CRTC1: variants seen among roughly 807,000 people sequenced by gnomAD.
CRTC1 encodes CREB regulated transcription coactivator 1, also known as CREB-regulated transcription coactivator 1.
CRTC1 carries 18 observed loss-of-function variants against 66.1 expected under a neutral mutation model. The ratio of observed to expected loss-of-function variants is 0.27; its 90% CI spans 0.19 to 0.40. CRTC1 has a LOEUF of 0.40. CRTC1 is among the 10% of genes least tolerant of loss of function. The pLI, the probability that CRTC1 is intolerant of heterozygous loss-of-function variation, is 1.00. For missense variants in CRTC1, 669 were observed against 887.9 expected, an observed-to-expected ratio of 0.75 and a Z score of 3.13; for synonymous variants, 416 against 398.8, an observed-to-expected ratio of 1.04 and a Z score of -0.51.
intron 2 of CRTC1, among the ~76,000 whole-genome samples, chr19:18,743,793 G>A (rs955057258): frequency 6.6e-6 from 1 of 152,244 alleles, no homozygotes; most frequent in African/African-American, 2.4e-5. Context: ...TGGCCACCAC[G>A]GTGCGCCTCC....
In CRTC1 at chr19:18,703,937, C is replaced by T. The variant is rs546947028; in HGVS notation, c.126+20109C>T. Among the ~76,000 whole-genome samples, 140 of 152,284 alleles carry T rather than the reference C, an allele frequency of 9.2e-4. 1 individual carries two copies. Among genetic ancestry groups the T allele is most frequent in the African/African-American group, 3.2e-3 (132 of 41,562 alleles). ...GTCAAAGCATCTCCTTTGATTCCTC[C>T]AATCTGTGATGGTTCCTCAATGTCT... is the stretch of plus-strand genomic sequence containing the variant. On this transcript the variant is annotated intron_variant, in intron 1 of 13. Transcript: ENST00000321949.
At position 18,781,643 on chromosome 19, in the gene CRTC1, G is replaced by A. The variant is rs932651230; in HGVS notation, c.*4261G>A. The A allele has an allele frequency of 4.8e-5, 11 of 230,550 alleles. No homozygotes were observed. The East Asian group carries it at 6.7e-4, about 14-fold the overall frequency. 14.3% of individuals were successfully genotyped at this position (230,550 alleles called of 1,614,324 possible). ...CTGAGGGCATGGGTGGGGCAGGAGT[G>A]AGTGCCTCGTGATCCCAGCCTCAGT... On this transcript the variant is annotated 3_prime_UTR_variant, in exon 14 of 14. Transcript: ENST00000321949.
chr19:18,732,562 G>T (rs902788562), intron 1 of CRTC1, among the ~76,000 whole-genome samples: 15 of 152,170 alleles, frequency 9.9e-5, no homozygotes, highest in Admixed American at 9.8e-4. Flanking sequence ...GGATTATTTT[G>T]GATGCAGGGA....
chr19:18,742,859 G>A, intron 1 of CRTC1, 51 bp from the exon 2 acceptor site: 1 of 1,373,626 alleles, frequency 7.3e-7, no homozygotes, highest in Non-Finnish European at 1.0e-6. Context: ...GGCACTCTGA[G>A]GTGAGCCTGG....
intron 1 of CRTC1, among the ~76,000 whole-genome samples, chr19:18,713,567 C>T (rs926263127): frequency 3.3e-5 from 5 of 152,240 alleles, no homozygotes; most frequent in Admixed American, 6.5e-5. Flanking sequence ...GCGTCCTCCT[C>T]GTGCCCCTCC....
chr19:18,758,640 G>GT (rs1393659849), intron 6 of CRTC1, among the ~76,000 whole-genome samples: 7 of 152,182 alleles, frequency 4.6e-5, no homozygotes, highest in African/African-American at 1.7e-4. Context: ...GACCCTGAGG[G>GT]TCCCCGGGGA....
chr19:18,687,460 G>A (rs1250061793), intron 1 of CRTC1, among the ~76,000 whole-genome samples: 2 of 152,130 alleles, frequency 1.3e-5, no homozygotes, highest in African/African-American at 4.8e-5. Flanking sequence ...CGACCAGGGT[G>A]GGCAAGCTTA....
intron 1 of CRTC1, among the ~76,000 whole-genome samples, chr19:18,695,715 A>C (rs2052968395): frequency 6.6e-6 from 1 of 151,992 alleles, no homozygotes; most frequent in Non-Finnish European, 1.5e-5. Flanking sequence ...AATACGGAAA[A>C]TTGGCTGGGC....
chr19:18,770,440 C>T (rs2145846752), intron 10 of CRTC1, among the ~76,000 whole-genome samples: 1 of 152,352 alleles, frequency 6.6e-6, no homozygotes, highest in East Asian at 1.9e-4. Flanking sequence ...GTCCCCACCC[C>T]CAGAGGTGGG....
Position 18,723,577 on chromosome 19 carries a change from C to T in CRTC1, c.127-19333C>T, listed in dbSNP as rs150426040. Among the ~76,000 whole-genome samples, 909 of 152,326 alleles carry T rather than the reference C, an allele frequency of 6.0e-3. 10 individuals are homozygous for T. The highest frequency in any genetic ancestry group is 0.01 in the Non-Finnish European group (686 of 68,028). ...AAGTTTGTGGCCAAGGCCAGTTCACCGGGGACCCCAGGTCCAGTATGGGTT... is the reference window on the plus strand; with the variant it reads ...AAGTTTGTGGCCAAGGCCAGTTCACTGGGGACCCCAGGTCCAGTATGGGTT... On this transcript the variant is annotated intron_variant, in intron 1 of 13. Coordinates refer to ENST00000321949, the MANE Select transcript of CRTC1 (RefSeq NM_015321.3).
intron 1 of CRTC1, among the ~76,000 whole-genome samples, chr19:18,731,266 T>C (rs1321378487): frequency 6.6e-6 from 1 of 152,202 alleles, no homozygotes; most frequent in Non-Finnish European, 1.5e-5. Flanking sequence ...GCGTGGCTGG[T>C]TCCTCCTGAG....
chr19:18,745,893 A>C lies in CRTC1; in HGVS notation c.314A>C (p.Tyr105Ser). Residue 105 changes from tyrosine to serine, a missense_variant, in exon 3 of 14, where the codon TAC (tyrosine) becomes TCC (serine). Around this residue, in one of 8 missense-constraint regions of CRTC1, gnomAD observed 214 missense variants for 323.4 expected, o/e 0.66. Transcript: ENST00000321949. ...TRHHGLVDRV[Y>S]RERGRLGSPH... The stretch of plus-strand genomic sequence containing the variant: ...CACCATGGGCTGGTGGACAGGGTGT[A>C]CCGGGAGCGTGGCCGGCTCGGCTCC... The C allele has an allele frequency of 1.9e-6, 3 of 1,613,434 alleles. No individual in the cohort carries two copies. The highest frequency in any genetic ancestry group is 2.5e-6 in the Non-Finnish European group (3 of 1,179,920).
chr19:18,761,197 G>A lies in CRTC1; in HGVS notation c.886+969G>A, dbSNP rs114355905. Among the ~76,000 whole-genome samples the A allele has an allele frequency of 4.6e-3, 694 of 152,296 alleles. 8 individuals carry two copies. Among genetic ancestry groups the A allele is most frequent in the African/African-American group, 0.016 (669 of 41,572 alleles). Reference sequence around the variant, plus strand: ...CCCTTGGCAAGGCCGTCCCGGCCCTGGCCTCTACTGCCGCGTTGCTTTCCT... The same window carrying A: ...CCCTTGGCAAGGCCGTCCCGGCCCTAGCCTCTACTGCCGCGTTGCTTTCCT... On this transcript the variant is annotated intron_variant, in intron 8 of 13. Coordinates refer to ENST00000321949, the MANE Select transcript of CRTC1 (RefSeq NM_015321.3).
At chr19:18,693,671 G>T (rs1374669823) in intron 1 of CRTC1, among the ~76,000 whole-genome samples, 2 of 150,898 alleles carry the variant, frequency 1.3e-5, no homozygotes, top group Admixed American at 6.6e-5. Flanking sequence ...TTTTAGTAGA[G>T]ACAGGGTTTC....
intron 1 of CRTC1, among the ~76,000 whole-genome samples, chr19:18,696,597 C>T (rs982535449): frequency 1.3e-5 from 2 of 152,230 alleles, no homozygotes; most frequent in African/African-American, 2.4e-5. Flanking sequence ...AAGGCCCATG[C>T]GGAGGACCTT....
Position 18,780,877 on chromosome 19 carries a change from T to TGGTGCCTCCCTTA in CRTC1, c.*3500_*3512dup, listed in dbSNP as rs2055089265. ...CAGGACCCGTCCCTAGAGGGGGCTCTGGTGCCTCCCTTAGGTGGGCCTTGA... is the reference window on the plus strand; with the variant it reads ...CAGGACCCGTCCCTAGAGGGGGCTCTGGTGCCTCCCTTAGGTGCCTCCCTTAGGTGGGCCTTGA... On this transcript the variant is annotated 3_prime_UTR_variant, in exon 14 of 14. Coordinates refer to ENST00000321949, the MANE Select transcript of CRTC1 (RefSeq NM_015321.3). 4.5e-6 allele frequency: 1 copy of TGGTGCCTCCCTTA among 222,468 alleles called. No homozygotes were observed. The highest frequency in any genetic ancestry group is 9.0e-6 in the Non-Finnish European group (1 of 111,320). The allele number at this position is 222,468 out of a possible 1,614,324, so 13.8% of individuals were successfully genotyped here.
chr19:18,723,369 A>C (rs1353450735), intron 1 of CRTC1, among the ~76,000 whole-genome samples: 1 of 152,118 alleles, frequency 6.6e-6, no homozygotes, highest in Non-Finnish European at 1.5e-5. Context: ...TCTTATCTCC[A>C]ATCTCCCCAT....
Position 18,768,456 on chromosome 19 carries a change from G to T in CRTC1, c.1012-29G>T, listed in dbSNP as rs773341719. Reference sequence around the variant, plus strand: ...GGCCAGGCGCTGACAACCAGGGCCCGCCCTGCCTGACGCTCTCCTCTCCTG... The same window carrying T: ...GGCCAGGCGCTGACAACCAGGGCCCTCCCTGCCTGACGCTCTCCTCTCCTG... On this transcript the variant is annotated intron_variant, in intron 9 of 13. Transcript: ENST00000321949. This position sits in a 1 kb window ranked among gnomAD's most constrained non-coding sequence, Gnocchi z 5.6. 1.5e-5 allele frequency: 24 copies of T among 1,597,786 alleles called. No homozygotes were observed. Among genetic ancestry groups the T allele is most frequent in the Non-Finnish European group, 1.9e-5 (22 of 1,173,836 alleles).
chr19:18,730,206 G>A (rs1192629818), intron 1 of CRTC1, among the ~76,000 whole-genome samples: 1 of 152,142 alleles, frequency 6.6e-6, no homozygotes, highest in Non-Finnish European at 1.5e-5. Context: ...GGCCTCAGCA[G>A]CCCTTACGAG....
Sources: gnomAD v4.1 joint callset for allele counts (sites outside exome capture counted in the v4.1 genomes callset) on GRCh38, gnomAD v4.1.1 for gene constraint, gnomAD v4.1.1 regional missense constraint, Gnocchi (gnomAD v3.1) non-coding constraint, MANE v1.5 for transcripts, NCBI Gene and HGNC (gene_info 2026-07-23, HGNC 2026-07-21) for gene names.